Variants in TMX2 observed in about 807,000 individuals in gnomAD.
The protein encoded by TMX2 is thioredoxin-related transmembrane protein 2.
A neutral mutation model predicts 33.4 loss-of-function variants in TMX2; 20 were observed. The ratio of observed to expected loss-of-function variants is 0.60; its 90% CI spans 0.42 to 0.87. The LOEUF is 0.87. Ranked by LOEUF, TMX2 falls within the 40% of genes least tolerant of loss-of-function variation. TMX2 has a pLI of 0.00. For missense variants in TMX2, 340 were observed against 370.7 expected, an observed-to-expected ratio of 0.92 and a Z score of 0.68; for synonymous variants, 166 against 140.7, an observed-to-expected ratio of 1.18 and a Z score of -1.27.
Position 57,739,003 on chromosome 11 carries a change from A to G in TMX2, c.578A>G (p.Lys193Arg). The G allele has an allele frequency of 6.2e-7, 1 of 1,614,156 alleles. No individual in the cohort carries two copies. The highest frequency in any genetic ancestry group is 8.5e-7 in the Non-Finnish European group (1 of 1,180,026). Residue 193 changes from lysine (K) to arginine (R), a missense_variant, in exon 6 of 8, where the codon AAG becomes AGG. Coordinates refer to ENST00000278422, the MANE Select transcript of TMX2 (RefSeq NM_015959.4). ...KYNCTGLNFG[K>R]VDVGRYTDVS... ...AACTGTACAGGGCTAAATTTTGGGA[A>G]GGTGGATGTTGGACGCTATACTGAT...
intron 7 of TMX2, 76 bp from the exon 8 acceptor site, chr11:57,740,023 A>G (rs1565236864): frequency 1.3e-6 from 2 of 1,599,836 alleles, no homozygotes; most frequent in Non-Finnish European, 8.5e-7. Flanking sequence ...GACTTTGTGT[A>G]AAATACCTCT....
chr11:57,734,416 T>C (rs1302954751), intron 1 of TMX2, among the ~76,000 whole-genome samples: 3 of 152,150 alleles, frequency 2.0e-5, no homozygotes, highest in African/African-American at 4.8e-5. Context: ...CTTTTGGTCC[T>C]ACCTTTGGTC....
At chr11:57,739,354 C>T (rs1482985451) in intron 7 of TMX2, 94 bp downstream of exon 7, 2 of 1,365,970 alleles carry the variant, frequency 1.5e-6, no homozygotes, top group Non-Finnish European at 2.1e-6. Context: ...CTGCCACTTG[C>T]CCATTAGCTT....
chr11:57,729,265 T>C (rs545178701), intron 1 of TMX2, among the ~76,000 whole-genome samples: 5 of 152,288 alleles, frequency 3.3e-5, no homozygotes, highest in African/African-American at 9.6e-5. Context: ...TTGTGCACAT[T>C]TGCATTAAGA....
chr11:57,738,902 T>C, intron 5 of TMX2, 72 bp from the exon 6 acceptor site: 2 of 1,561,006 alleles, frequency 1.3e-6, no homozygotes, highest in Admixed American at 3.4e-5. Context: ...TCTCCCCTCT[T>C]AAATATCTAT....
intron 1 of TMX2, among the ~76,000 whole-genome samples, chr11:57,719,418 C>A (rs1463488419): frequency 6.6e-6 from 1 of 151,014 alleles, no homozygotes; most frequent in Non-Finnish European, 1.5e-5. Context: ...ACTGAAACCC[C>A]CTTTAAAAAA....
At position 57,737,637 on chromosome 11, in the gene TMX2, T is replaced by C. The variant is rs1296893046; in HGVS notation, c.219T>C (p.Ser73=). 1 of 1,614,204 alleles carries C rather than the reference T, an allele frequency of 6.2e-7. No homozygotes were observed. Among genetic ancestry groups the C allele is most frequent in the Non-Finnish European group, 8.5e-7 (1 of 1,180,010 alleles). The part of the protein sequence containing the change: ...WREVEILMFL[S]AIVMMKNRRS... ...AAGTGGAGATCCTGATGTTTCTCAG[T>C]GCCATTGTGATGATGAAGAACCGCA... is the stretch of plus-strand genomic sequence containing the variant. Residue 73 remains serine (S), a synonymous_variant, in exon 2 of 8, where the codon AGT becomes AGC. Transcript: ENST00000278422.
chr11:57,724,466 G>A (rs371465082), intron 1 of TMX2, among the ~76,000 whole-genome samples: 70 of 152,238 alleles, frequency 4.6e-4, no homozygotes, highest in African/African-American at 1.3e-3. Context: ...AAGAGGGCCC[G>A]TTTTACATGG....
chr11:57,713,097 C>G (rs1200362296), intron 1 of TMX2, among the ~76,000 whole-genome samples: 3 of 152,212 alleles, frequency 2.0e-5, no homozygotes, highest in Non-Finnish European at 2.9e-5. Context: ...ACAGCCCTAT[C>G]AAAACTGTAC....
At chr11:57,725,466 G>T (rs1355832830) in intron 1 of TMX2, among the ~76,000 whole-genome samples, 1 of 152,200 alleles carries the variant, frequency 6.6e-6, no homozygotes, top group Non-Finnish European at 1.5e-5. Flanking sequence ...GCTGGTCGAG[G>T]TGGCTCACGC....
At chr11:57,723,502 C>CAA (rs1050853186) in intron 1 of TMX2, among the ~76,000 whole-genome samples, 20 of 98,526 alleles carry the variant, frequency 2.0e-4, no homozygotes, top group African/African-American at 7.3e-4. Flanking sequence ...AAATTCATCG[C>CAA]AAAAAAAAAA....
chr11:57,738,232 G>A, intron 3 of TMX2, 122 bp from the exon 4 acceptor site: 1 of 796,204 alleles, frequency 1.3e-6, no homozygotes, highest in East Asian at 2.4e-5. Flanking sequence ...GAATGTGTTG[G>A]TGGTCTACAT....
At chr11:57,724,525 T>C (rs1947847849) in intron 1 of TMX2, among the ~76,000 whole-genome samples, 1 of 151,574 alleles carries the variant, frequency 6.6e-6, no homozygotes, top group Admixed American at 6.6e-5. Context: ...TTACCAAATA[T>C]CCTGTCCCTC....
intron 1 of TMX2, among the ~76,000 whole-genome samples, chr11:57,718,852 C>T (rs996907359): frequency 2.0e-5 from 3 of 150,484 alleles, no homozygotes; most frequent in Non-Finnish European, 4.4e-5. Flanking sequence ...GACGGGGTTT[C>T]ACCATGTTGG....
chr11:57,716,202 G>C (rs1946998707), intron 1 of TMX2, among the ~76,000 whole-genome samples: 1 of 151,290 alleles, frequency 6.6e-6, no homozygotes. Flanking sequence ...GCGGCTGGCC[G>C]GGCGGGGGGC....
rs777232593 is a variant in TMX2 at position 57,739,039 on chromosome 11, GGTAT to G, written c.614+4_614+7del. On this transcript the variant is annotated splice_donor_variant and splice_donor_region_variant and intron_variant, in intron 6 of 7. Coordinates refer to ENST00000278422, the MANE Select transcript of TMX2 (RefSeq NM_015959.4). LOFTEE classifies it high-confidence loss of function. ...GGACGCTATACTGATGTTAGTACGC[GGTAT>G]GTAAAGACCTGGGCAGAGGGTCTGA... 6.2e-7 allele frequency: 1 copy of G among 1,613,990 alleles called. No individual in the cohort carries two copies. The highest frequency in any genetic ancestry group is 8.5e-7 in the Non-Finnish European group (1 of 1,179,992).
chr11:57,737,642 T>C lies in TMX2; in HGVS notation c.224T>C (p.Ile75Thr). The change falls in exon 2 of 8, where the codon ATT becomes ACT. Residue 75 changes from isoleucine (I) to threonine (T), a missense_variant. By Grantham distance (89) the Ile-to-Thr change is moderately conservative. Transcript: ENST00000278422. The stretch of plus-strand genomic sequence containing the variant: ...GAGATCCTGATGTTTCTCAGTGCCA[T>C]TGTGATGATGAAGAACCGCAGATCC... ...EVEILMFLSA[I>T]VMMKNRRSIT... 5.0e-6 allele frequency: 8 copies of C among 1,614,172 alleles called. No homozygotes were observed. The highest frequency in any genetic ancestry group is 5.9e-6 in the Non-Finnish European group (7 of 1,180,006).
At position 57,740,139 on chromosome 11, in the gene TMX2, A is replaced by G; in HGVS notation, c.785A>G (p.Gln262Arg). The change falls in exon 8 of 8, where the codon CAG (glutamine) becomes CGG (arginine). Residue 262 changes from glutamine (Q) to arginine (R), a missense_variant. Gln to Arg is a conservative substitution (Grantham distance 43, BLOSUM62 1). This residue lies in a region of TMX2 where 209 missense variants were observed against 241.6 expected (regional missense o/e 0.87). Coordinates refer to ENST00000278422, the MANE Select transcript of TMX2 (RefSeq NM_015959.4). ...IREFNLNELY[Q>R]RAKKLSKAGD... ...GAATTTAACTTAAATGAGCTATACC[A>G]GCGGGCCAAGAAACTATCAAAGGCT... 6.2e-7 allele frequency: 1 copy of G among 1,613,988 alleles called. No individual in the cohort carries two copies. The highest frequency in any genetic ancestry group is 1.7e-5 in the Admixed American group (1 of 60,014).
At chr11:57,718,543 A>C in intron 1 of TMX2, 1 of 676,034 alleles carries the variant, frequency 1.5e-6, no homozygotes, top group Admixed American at 2.2e-5. Context: ...CTGATAGTAC[A>C]GGGCTCCTGG....
Sources: gnomAD v4.1 joint callset for allele counts (sites outside exome capture counted in the v4.1 genomes callset) on GRCh38, gnomAD v4.1.1 for gene constraint, gnomAD v4.1.1 regional missense constraint, MANE v1.5 for transcripts, NCBI Gene and HGNC (gene_info 2026-07-23, HGNC 2026-07-21) for gene names.